FAM111B: variants seen among roughly 807,000 people sequenced by gnomAD.
The protein encoded by FAM111B is FAM111 trypsin like peptidase B.
FAM111B carries 1 observed loss-of-function variant against 2.8 expected under a neutral mutation model. That is an observed-to-expected ratio of 0.36 (90% CI 0.13 to 1.70). FAM111B has a LOEUF of 1.70. FAM111B is among the 40% of genes most tolerant of loss of function. The probability of loss-of-function intolerance (pLI) is 0.35; values close to 1 mark genes in which losing one functional copy is unlikely to be tolerated. For synonymous variants in FAM111B, 297 were observed against 295.6 expected (o/e 1.00, Z -0.05); for missense variants, 882 against 878.9 (o/e 1.00, Z -0.04).
chr11:59,125,905 C>G lies in FAM111B; in HGVS notation c.1808C>G (p.Pro603Arg), dbSNP rs769573681. ...CTAAACGAACGATTGAAAAAATATC[C>G]AAACGATTGTCAAGATGGGTTGGTA... ...IPLNERLKKY[P>R]NDCQDGLVDL... The change falls in exon 4 of 4, where the codon CCA (proline) becomes CGA (arginine). Residue 603 changes from proline (P) to arginine (R), a missense_variant. Transcript: ENST00000343597. 6.2e-7 allele frequency: 1 copy of G among 1,613,670 alleles called. No homozygotes were observed. Among genetic ancestry groups the G allele is most frequent in the Admixed American group, 1.7e-5 (1 of 59,972 alleles).
chr11:59,108,176 A>C (rs1349765103), intron 1 of FAM111B, among the ~76,000 whole-genome samples: 2 of 152,228 alleles, frequency 1.3e-5, no homozygotes, highest in Non-Finnish European at 2.9e-5. Flanking sequence ...GAACCAATTC[A>C]CACGAACAAT....
chr11:59,108,273 A>G (rs1328883340), intron 1 of FAM111B, among the ~76,000 whole-genome samples: 2 of 152,222 alleles, frequency 1.3e-5, no homozygotes, highest in Non-Finnish European at 2.9e-5. Context: ...GTTGGTGGAA[A>G]GTTAGACTAT....
intron 3 of FAM111B, among the ~76,000 whole-genome samples, chr11:59,120,250 A>G (rs1859900357): frequency 6.6e-6 from 1 of 152,220 alleles, no homozygotes; most frequent in African/African-American, 2.4e-5. Context: ...AAAATATACC[A>G]TTGGAATAGA....
rs548158477 is a variant in FAM111B, at chr11:59,120,285, C to G, written c.82-3894C>G. ...AACAGAGAGAGTAGAGACAGACTCACAAATTTCAAGATGTGACAATATCTT... is the reference window on the plus strand; with the variant it reads ...AACAGAGAGAGTAGAGACAGACTCAGAAATTTCAAGATGTGACAATATCTT... On this transcript the variant is annotated intron_variant, in intron 3 of 3. Coordinates refer to ENST00000343597, the MANE Select transcript of FAM111B (RefSeq NM_198947.4). 2.0e-5 allele frequency among the ~76,000 whole-genome samples: 3 copies of G among 152,214 alleles called. No individual in the cohort carries two copies. In the South Asian group the frequency reaches 6.2e-4, roughly 32 times the overall value.
At chr11:59,108,547 T>A (rs1859703149) in intron 1 of FAM111B, 121 bp from the exon 2 acceptor site, 1 of 165,718 alleles carries the variant, frequency 6.0e-6, no homozygotes, top group African/African-American at 2.4e-5. Flanking sequence ...GGTAGTCTGC[T>A]AAAGTGGATT....
rs757064718 is a variant in FAM111B at position 59,125,603 on chromosome 11, A to G, written c.1506A>G (p.Pro502=). The change falls in exon 4 of 4, where the codon CCA becomes CCG. Residue 502 remains proline, a synonymous_variant. Transcript: ENST00000343597. ...VHLMVGKNTH[P]SLWPDIISKC... is the part of the protein sequence containing the mutation. Reference sequence around the variant, plus strand: ...TTATGGTGGGTAAAAACACACATCCAAGTTTGTGGCCAGATATAATTAGCA... The same window carrying G: ...TTATGGTGGGTAAAAACACACATCCGAGTTTGTGGCCAGATATAATTAGCA... The G allele has an allele frequency of 5.6e-6, 9 of 1,613,906 alleles. No homozygotes were observed. Among genetic ancestry groups the G allele is most frequent in the Non-Finnish European group, 7.6e-6 (9 of 1,179,832 alleles).
At chr11:59,109,920 C>A in intron 3 of FAM111B, 1 of 347,240 alleles carries the variant, frequency 2.9e-6, no homozygotes, top group South Asian at 8.2e-5. Flanking sequence ...AACAAGATGA[C>A]TAACAAACAA....
chr11:59,121,936 A>T (rs1235268263), intron 3 of FAM111B, among the ~76,000 whole-genome samples: 1 of 152,132 alleles, frequency 6.6e-6, no homozygotes, highest in East Asian at 1.9e-4. Context: ...TGAGGTCAGG[A>T]GTTGAAGACC....
At chr11:59,107,577 G>C (rs559512277) in intron 1 of FAM111B, among the ~76,000 whole-genome samples, 1 of 152,308 alleles carries the variant, frequency 6.6e-6, no homozygotes, top group East Asian at 1.9e-4. Context: ...GCCCATAGAA[G>C]GAGACCAGGT....
At chr11:59,115,253 T>G (rs1442123609) in intron 3 of FAM111B, among the ~76,000 whole-genome samples, 1 of 152,102 alleles carries the variant, frequency 6.6e-6, no homozygotes, top group Non-Finnish European at 1.5e-5. Flanking sequence ...AAGACAAGGG[T>G]TGAGTCTGTT....
At chr11:59,114,611 T>C (rs1859811411) in intron 3 of FAM111B, among the ~76,000 whole-genome samples, 1 of 152,194 alleles carries the variant, frequency 6.6e-6, no homozygotes, top group African/African-American at 2.4e-5. Flanking sequence ...TCCTTGTCTC[T>C]AATTGGCCAG....
rs1370835675 is a variant in FAM111B, at chr11:59,109,590, G to A, written c.-36G>A. The A allele has an allele frequency of 2.2e-6, 3 of 1,373,882 alleles. No homozygotes were observed. The East Asian group carries it at 7.1e-5, about 32-fold the overall frequency. 85.1% of individuals were successfully genotyped at this position (1,373,882 alleles called of 1,614,324 possible). ...AATCCTTGTTTCTCCATCTTATCGA[G>A]TAGTAGAAGTTAGTTACATTCTCTT... On this transcript the variant is annotated 5_prime_UTR_variant, in exon 3 of 4. Coordinates refer to ENST00000343597, the MANE Select transcript of FAM111B (RefSeq NM_198947.4).
Position 59,126,168 on chromosome 11 carries a change from C to A in FAM111B, c.2071C>A (p.Leu691Ile), listed in dbSNP as rs1003686064. Reference sequence around the variant, plus strand: ...ATTTGGTTATTCTATGGATTCTATTCTTTGTGATATTAAAAAGACAAATGA... The same window carrying A: ...ATTTGGTTATTCTATGGATTCTATTATTTGTGATATTAAAAAGACAAATGA... ...IEFGYSMDSI[L>I]CDIKKTNESL... The change falls in exon 4 of 4, where the codon CTT becomes ATT. Residue 691 changes from leucine to isoleucine, a missense_variant. By Grantham distance (5) the Leu-to-Ile change is conservative (BLOSUM62 2). Transcript: ENST00000343597. 1.1e-5 allele frequency: 17 copies of A among 1,611,514 alleles called. No homozygotes were observed. The African/African-American group carries it at 1.9e-4, about 18-fold the overall frequency.
Position 59,124,308 on chromosome 11 carries a change from A to G in FAM111B, c.211A>G (p.Asn71Asp). Residue 71 changes from asparagine to aspartate, a missense_variant, in exon 4 of 4, where the codon AAT becomes GAT. By Grantham distance (23) the Asn-to-Asp change is conservative (BLOSUM62 1). Coordinates refer to ENST00000343597, the MANE Select transcript of FAM111B (RefSeq NM_198947.4). ...NKHETALEMQ[N>D]PNLNNKECCF... is the part of the protein sequence containing the mutation. ...GCATGAAACAGCCCTTGAAATGCAGAATCCAAATTTGAACAATAAAGAATG... is the reference window on the plus strand; with the variant it reads ...GCATGAAACAGCCCTTGAAATGCAGGATCCAAATTTGAACAATAAAGAATG... 1 of 1,613,892 alleles carries G rather than the reference A, an allele frequency of 6.2e-7. No individual in the cohort carries two copies.
chr11:59,122,120 C>T (rs1033213323), intron 3 of FAM111B, among the ~76,000 whole-genome samples: 21 of 151,916 alleles, frequency 1.4e-4, no homozygotes, highest in Non-Finnish European at 1.6e-4. Context: ...CCAGCCTGGG[C>T]GACAGAGCGA....
intron 3 of FAM111B, among the ~76,000 whole-genome samples, chr11:59,118,193 A>C (rs555541050): frequency 8.5e-5 from 13 of 152,334 alleles, no homozygotes; most frequent in Non-Finnish European, 1.3e-4. Context: ...TCCTTTTGTT[A>C]CTTGACTGTG....
chr11:59,110,085 T>A (rs1859735840), intron 3 of FAM111B: 1 of 153,324 alleles, frequency 6.5e-6, no homozygotes, highest in East Asian at 1.9e-4. Flanking sequence ...TTATCATACT[T>A]ATTTTATAAA....
rs144133192 is a variant in FAM111B, at chr11:59,109,665, G to A, written c.40G>A (p.Ala14Thr). 1.4e-5 allele frequency: 22 copies of A among 1,612,036 alleles called. No individual in the cohort carries two copies. Among genetic ancestry groups the A allele is most frequent in the Middle Eastern group, 1.7e-4 (1 of 6,028 alleles). Residue 14 changes from alanine to threonine, a missense_variant, in exon 3 of 4, where the codon GCT becomes ACT. Ala to Thr is a moderately conservative substitution (Grantham distance 58, BLOSUM62 0). Coordinates refer to ENST00000343597, the MANE Select transcript of FAM111B (RefSeq NM_198947.4). ...GACTGAAGAAAACAAGTCATTTAGC[G>A]CTATGGAAGATGACCAGAGGACTAG... ...MKTEENKSFS[A>T]MEDDQRTRPE... is the part of the protein sequence containing the mutation.
In FAM111B at chr11:59,125,484, T is replaced by G; in HGVS notation, c.1387T>G (p.Phe463Val). 6.2e-7 allele frequency: 1 copy of G among 1,613,918 alleles called. No individual in the cohort carries two copies. The highest frequency in any genetic ancestry group is 2.2e-5 in the East Asian group (1 of 44,882). ...TACATATTATAGCAAGTCAGTTGGG[T>G]TCATGCAATGGGACAATAATGGAAA... Reference protein sequence around the residue: ...QLTYYSKSVGFMQWDNNGNTG... With the variant: ...QLTYYSKSVGVMQWDNNGNTG... Residue 463 changes from phenylalanine (F) to valine (V), a missense_variant, in exon 4 of 4, where the codon TTC becomes GTC. By Grantham distance (50) the Phe-to-Val change is conservative. Transcript: ENST00000343597.
Sources: allele counts gnomAD v4.1 joint callset (sites outside exome capture counted in the v4.1 genomes callset), GRCh38; gene constraint gnomAD v4.1.1; transcripts MANE v1.5; gene names NCBI Gene and HGNC (gene_info 2026-07-23, HGNC 2026-07-21).